TFG: variants seen among roughly 807,000 people sequenced by gnomAD.
TFG encodes trafficking from ER to golgi regulator.
Under a neutral mutation model 51.4 loss-of-function variants are expected in TFG, and 22 were observed. The ratio of observed to expected loss-of-function variants is 0.43; its 90% confidence interval spans 0.31 to 0.61. The LOEUF (loss-of-function observed/expected upper bound fraction) is 0.61, where lower values mean the gene tolerates loss of function less well. Ranked by LOEUF, TFG falls within the 20% of genes least tolerant of loss-of-function variation. TFG has a pLI of 0.12. For missense variants in TFG, 419 were observed against 487.7 expected (o/e 0.86, Z 1.33); for synonymous variants, 187 against 165.6 (o/e 1.13, Z -0.99).
chr3:100,738,925 C>T (rs2095114040), intron 6 of TFG, among the ~76,000 whole-genome samples: 2 of 152,064 alleles, frequency 1.3e-5, no homozygotes, highest in African/African-American at 4.8e-5. Context: ...TTTTTTGGTA[C>T]TGTGTATTGG....
chr3:100,747,538 T>A (rs186659523), intron 7 of TFG: 2 of 152,650 alleles, frequency 1.3e-5, no homozygotes, highest in Non-Finnish European at 2.9e-5. Context: ...ATAATGAATA[T>A]AGATGTTGCT....
chr3:100,731,851 C>T (rs1437102263), intron 4 of TFG, among the ~76,000 whole-genome samples: 1 of 152,068 alleles, frequency 6.6e-6, no homozygotes, highest in African/African-American at 2.4e-5. Context: ...CCCGGCTCCC[C>T]TCCTGTATTA....
intron 3 of TFG, among the ~76,000 whole-genome samples, chr3:100,724,760 A>C (rs2095070280): frequency 6.6e-6 from 1 of 152,244 alleles, no homozygotes; most frequent in Non-Finnish European, 1.5e-5. Context: ...TGCTCACCCA[A>C]GGAGTCTAAG....
chr3:100,716,491 G>A (rs1181896454), intron 2 of TFG, among the ~76,000 whole-genome samples: 1 of 152,178 alleles, frequency 6.6e-6, no homozygotes, highest in Non-Finnish European at 1.5e-5. Flanking sequence ...GAATAGTGCT[G>A]CAGTAAAATG....
At chr3:100,734,256 G>T (rs1181097218) in intron 5 of TFG, among the ~76,000 whole-genome samples, 1 of 151,914 alleles carries the variant, frequency 6.6e-6, no homozygotes, top group Non-Finnish European at 1.5e-5. Context: ...TCTCCCTATG[G>T]TGTATAGCAG....
intron 6 of TFG, chr3:100,743,206 A>G (rs1363163954): frequency 6.6e-6 from 1 of 152,200 alleles, no homozygotes; most frequent in Non-Finnish European, 1.5e-5. Flanking sequence ...TATCTGAGAT[A>G]AGGAATACTA....
rs75759315 is a variant in TFG, at chr3:100,737,165, C to A, written c.721+449C>A. The stretch of plus-strand genomic sequence containing the variant: ...GGGTTTTTTTTGTTAAGATTAGTAG[C>A]CTTTTATAATTTTGTAAATTTAGCA... On this transcript the variant is annotated intron_variant, in intron 6 of 7. Coordinates refer to ENST00000240851, the MANE Select transcript of TFG (RefSeq NM_006070.6). Among the ~76,000 whole-genome samples the A allele has an allele frequency of 3.6e-4, 55 of 152,048 alleles. No individual in the cohort carries two copies. The East Asian group carries it at 7.3e-3, about 20-fold the overall frequency.
At chr3:100,709,375 C>T (rs2095022268), upstream of TFG, 1 of 152,568 alleles carries the variant, frequency 6.6e-6, no homozygotes, top group Non-Finnish European at 1.5e-5. Flanking sequence ...ACTCTTCGGC[C>T]TAGGCAGCCG....
At chr3:100,736,159 T>A (rs2095105602) in intron 5 of TFG, among the ~76,000 whole-genome samples, 1 of 152,006 alleles carries the variant, frequency 6.6e-6, no homozygotes, top group African/African-American at 2.4e-5. Context: ...GAAGAGAAAT[T>A]GTGAGAAATA....
intron 6 of TFG, among the ~76,000 whole-genome samples, chr3:100,739,043 T>C (rs2095114402): frequency 6.6e-6 from 1 of 152,194 alleles, no homozygotes; most frequent in African/African-American, 2.4e-5. Context: ...AGCTAGTGAT[T>C]ATTTTAAGAG....
chr3:100,725,544 C>T lies in TFG; in HGVS notation c.269-3168C>T, dbSNP rs578009544. Among the ~76,000 whole-genome samples, 10 of 147,416 alleles carry T rather than the reference C, an allele frequency of 6.8e-5. No individual in the cohort carries two copies. The East Asian group carries it at 1.2e-3, about 18-fold the overall frequency. ...CTGTAATCCCAGCACTTTGGGAGGC[C>T]GAAGTGGGCAGATCACGAGGTCAGG... On this transcript the variant is annotated intron_variant, in intron 3 of 7. Coordinates refer to ENST00000240851, the MANE Select transcript of TFG (RefSeq NM_006070.6).
intron 5 of TFG, 62 bp downstream of exon 5, chr3:100,732,734 C>T (rs1271366629): frequency 1.5e-6 from 2 of 1,363,212 alleles, no homozygotes; most frequent in Admixed American, 2.4e-5. Flanking sequence ...TCTTCCCTTT[C>T]CTTCTTTCTT....
In TFG at chr3:100,720,700, C is replaced by G. The variant is rs149785062; in HGVS notation, c.268+642C>G. 4.2e-4 allele frequency among the ~76,000 whole-genome samples: 64 copies of G among 152,312 alleles called. No homozygotes were observed. In the East Asian group the frequency reaches 0.012, roughly 28 times the overall value. On this transcript the variant is annotated intron_variant, in intron 3 of 7. Transcript: ENST00000240851. ...AGTAGCACTGGGTTGGGGACCCTTG[C>G]TTTAGACAGTATTTCCCGAGGGGTA...
chr3:100,741,365 A>T (rs961632561), intron 6 of TFG, among the ~76,000 whole-genome samples: 8 of 152,280 alleles, frequency 5.3e-5, no homozygotes, highest in Admixed American at 2.0e-4. Context: ...GCTAATGTGT[A>T]TGTTTGTGTC....
chr3:100,738,114 G>T (rs1449507932), intron 6 of TFG, among the ~76,000 whole-genome samples: 1 of 151,706 alleles, frequency 6.6e-6, no homozygotes, highest in African/African-American at 2.4e-5. Context: ...AGAGTTGTCT[G>T]TTGGATGAAC....
At chr3:100,724,420 C>T (rs1297654416) in intron 3 of TFG, among the ~76,000 whole-genome samples, 3 of 152,062 alleles carry the variant, frequency 2.0e-5, no homozygotes, top group African/African-American at 7.2e-5. Flanking sequence ...TTTGAAAACT[C>T]AGGTGACATG....
chr3:100,748,628 T>A lies in TFG; in HGVS notation c.*97T>A. 1.5e-6 allele frequency: 2 copies of A among 1,299,664 alleles called. No individual in the cohort carries two copies. The highest frequency in any genetic ancestry group is 1.0e-6 in the Non-Finnish European group (1 of 972,884). The allele number at this position is 1,299,664 out of a possible 1,614,324, so 80.5% of individuals were successfully genotyped here. On this transcript the variant is annotated 3_prime_UTR_variant, in exon 8 of 8. Transcript: ENST00000240851. ...TTTGTATTGAAGAAGTTCAGAAATT[T>A]AAAAGCAGAGCATTTTTTATGATAT...
Position 100,732,619 on chromosome 3 carries a change from AAATC to A in TFG, c.531_534del (p.Asn178LysfsTer9), listed in dbSNP as rs763266792. ...TTTGATCCTTTAAAAAACCAAGATG[AAATC>A]AATAAAAATGTTATGTCAGCGTTTG... On this transcript the variant is annotated frameshift_variant, in exon 5 of 8. Transcript: ENST00000240851. LOFTEE classifies it high-confidence loss of function. The A allele has an allele frequency of 6.2e-7, 1 of 1,612,222 alleles. No homozygotes were observed. Among genetic ancestry groups the A allele is most frequent in the Non-Finnish European group, 8.5e-7 (1 of 1,179,170 alleles).
At chr3:100,733,830 G>T (rs935597407) in intron 5 of TFG, among the ~76,000 whole-genome samples, 23 of 152,264 alleles carry the variant, frequency 1.5e-4, no homozygotes, top group African/African-American at 5.3e-4. Flanking sequence ...AAAAGAAAAA[G>T]GTATTTGGGA....
Sources: gnomAD v4.1 joint callset for allele counts (sites outside exome capture counted in the v4.1 genomes callset) on GRCh38, gnomAD v4.1.1 for gene constraint, MANE v1.5 for transcripts, NCBI Gene and HGNC (gene_info 2026-07-23, HGNC 2026-07-21) for gene names.